ITPK1: variants seen among roughly 807,000 people sequenced by gnomAD.
The protein encoded by ITPK1 is inositol-tetrakisphosphate 1-kinase.
Under a neutral mutation model 45.3 loss-of-function variants are expected in ITPK1, and 21 were observed. That is an observed-to-expected ratio of 0.46 (90% CI 0.33 to 0.67). The LOEUF (loss-of-function observed/expected upper bound fraction) is 0.67. Ranked by LOEUF, ITPK1 falls within the 30% of genes least tolerant of loss-of-function variation. ITPK1 has a pLI of 0.02. For missense variants in ITPK1, 474 were observed against 573.5 expected, an observed-to-expected ratio of 0.83 and a Z score of 1.77; for synonymous variants, 258 against 253.6, an observed-to-expected ratio of 1.02 and a Z score of -0.16.
intron 3 of ITPK1, among the ~76,000 whole-genome samples, chr14:93,061,439 G>C (rs951790154): frequency 3.9e-5 from 6 of 152,158 alleles, no homozygotes; most frequent in African/African-American, 1.2e-4. Context: ...AAGTCCATGG[G>C]CACAGCTGCG....
chr14:93,058,135 G>A (rs991174550), intron 3 of ITPK1, among the ~76,000 whole-genome samples: 2 of 151,984 alleles, frequency 1.3e-5, no homozygotes, highest in Admixed American at 1.3e-4. Context: ...ATGAAGGGCT[G>A]AGCCCCTGTT....
intron 5 of ITPK1, among the ~76,000 whole-genome samples, chr14:92,974,649 G>A (rs1885841329): frequency 6.6e-6 from 1 of 152,244 alleles, no homozygotes; most frequent in Non-Finnish European, 1.5e-5. Flanking sequence ...CGGGCGTAAG[G>A]ACACAGTGGC....
intron 3 of ITPK1, among the ~76,000 whole-genome samples, chr14:93,062,142 G>A (rs759617429): frequency 6.6e-6 from 1 of 152,128 alleles, no homozygotes; most frequent in Admixed American, 6.6e-5. Context: ...ATGGTGGCGC[G>A]TGCCTGTAAT....
chr14:92,960,997 G>A (rs911456783), intron 7 of ITPK1, among the ~76,000 whole-genome samples: 4 of 152,250 alleles, frequency 2.6e-5, no homozygotes, highest in South Asian at 2.1e-4. Context: ...GCTGCGCTAC[G>A]CTGACACTGT....
chr14:92,963,600 G>A (rs562751784), intron 5 of ITPK1, among the ~76,000 whole-genome samples: 61 of 152,168 alleles, frequency 4.0e-4, no homozygotes, highest in Non-Finnish European at 7.3e-4. Flanking sequence ...ATTCCTCCTC[G>A]CCCTTCACAG....
chr14:92,995,265 C>T (rs1032875360), intron 4 of ITPK1, among the ~76,000 whole-genome samples: 1 of 152,194 alleles, frequency 6.6e-6, no homozygotes, highest in African/African-American at 2.4e-5. Flanking sequence ...GCCCAGCCAG[C>T]CCCCCTGCCC....
In ITPK1 at chr14:93,036,220, G is replaced by A. The variant is rs565054926; in HGVS notation, c.121-19419C>T. 6.6e-5 allele frequency among the ~76,000 whole-genome samples: 10 copies of A among 152,284 alleles called. No individual in the cohort carries two copies. Among genetic ancestry groups the A allele is most frequent in the East Asian group, 1.9e-4 (1 of 5,168 alleles). On this transcript the variant is annotated intron_variant, in intron 3 of 10. Transcript: ENST00000267615. The surrounding 1 kb of genome is among the most constrained non-coding windows in gnomAD (Gnocchi z 4.1). ...CCACAACCGGAGGGACACTGTCCCC[G>A]TCCTACTGGGAAGGGCCGCTCCTAT...
intron 3 of ITPK1, among the ~76,000 whole-genome samples, chr14:93,029,308 G>A (rs1442429863): frequency 2.0e-5 from 3 of 152,094 alleles, no homozygotes; most frequent in Non-Finnish European, 4.4e-5. Flanking sequence ...TCCACCTGGG[G>A]TCTGGACCCT....
At chr14:93,080,467 A>G (rs908539761) in intron 2 of ITPK1, among the ~76,000 whole-genome samples, 22 of 152,386 alleles carry the variant, frequency 1.4e-4, no homozygotes, top group African/African-American at 5.3e-4. Context: ...AGCAGAGCTC[A>G]GGATGTATCA....
At chr14:93,103,635 T>C (rs1302977780) in intron 2 of ITPK1, among the ~76,000 whole-genome samples, 1 of 152,076 alleles carries the variant, frequency 6.6e-6, no homozygotes, top group African/African-American at 2.4e-5. Flanking sequence ...TCAGTAAGTA[T>C]GTGGCATGTA....
At chr14:93,028,574 C>G (rs1888866275) in intron 3 of ITPK1, among the ~76,000 whole-genome samples, 1 of 152,224 alleles carries the variant, frequency 6.6e-6, no homozygotes. Flanking sequence ...TGTTTCCTCA[C>G]TGGTACAATA....
At chr14:92,986,810 A>G (rs1190768119) in intron 5 of ITPK1, among the ~76,000 whole-genome samples, 1 of 152,202 alleles carries the variant, frequency 6.6e-6, no homozygotes, top group Admixed American at 6.5e-5. Context: ...TCTCTCCTGC[A>G]GGGTGCCAGC....
At chr14:93,003,737 G>T in intron 4 of ITPK1, among the ~76,000 whole-genome samples, 1 of 152,226 alleles carries the variant, frequency 6.6e-6, no homozygotes, top group East Asian at 1.9e-4. Context: ...ATCACTGTCA[G>T]ATAATCTTTT....
chr14:92,968,340 T>C (rs1315072905), intron 5 of ITPK1, among the ~76,000 whole-genome samples: 1 of 151,000 alleles, frequency 6.6e-6, no homozygotes, highest in African/African-American at 2.4e-5. Context: ...AAAAAAAAAA[T>C]AGAAAGGTAA....
chr14:92,967,734 C>T (rs1885450312), intron 5 of ITPK1, among the ~76,000 whole-genome samples: 1 of 152,196 alleles, frequency 6.6e-6, no homozygotes, highest in South Asian at 2.1e-4. Context: ...TGAAAAGGAA[C>T]AAAGTATTGA....
chr14:92,962,694 T>C, intron 6 of ITPK1, 57 bp downstream of exon 6: 1 of 1,310,370 alleles, frequency 7.6e-7, no homozygotes, highest in Non-Finnish European at 1.1e-6. Flanking sequence ...GCCCCTCCCC[T>C]ATGCTGGCCT....
intron 2 of ITPK1, among the ~76,000 whole-genome samples, chr14:93,087,035 G>GC (rs1264650085): frequency 2.6e-5 from 4 of 152,380 alleles, no homozygotes; most frequent in South Asian, 4.1e-4. Flanking sequence ...CCTAAGAAGA[G>GC]CAGGGTAGGA....
chr14:92,993,844 T>A (rs990540235), intron 5 of ITPK1, 36 bp downstream of exon 5: 8 of 1,379,010 alleles, frequency 5.8e-6, no homozygotes, highest in Non-Finnish European at 8.3e-6. Context: ...CAAAGGTGGC[T>A]GCCTGCCACG....
chr14:92,943,558 G>A (rs1555359566), intron 10 of ITPK1, among the ~76,000 whole-genome samples: 1 of 152,226 alleles, frequency 6.6e-6, no homozygotes, highest in Non-Finnish European at 1.5e-5. Flanking sequence ...TGCAGTGGAG[G>A]AGCTCCACCA....
Sources: allele counts gnomAD v4.1 joint callset (sites outside exome capture counted in the v4.1 genomes callset), GRCh38; gene constraint gnomAD v4.1.1; non-coding constraint Gnocchi (gnomAD v3.1); transcripts MANE v1.5; gene names NCBI Gene and HGNC (gene_info 2026-07-23, HGNC 2026-07-21).